Variants in SYT17 observed in about 807,000 individuals in gnomAD.
SYT17 encodes synaptotagmin 17, also known as synaptotagmin-17.
SYT17 carries 22 observed loss-of-function variants against 46.7 expected under a neutral mutation model. The observed-to-expected ratio is 0.47, with a 90% CI of 0.34 to 0.67. The LOEUF (loss-of-function observed/expected upper bound fraction) is 0.67, where lower values mean the gene tolerates loss of function less well. Ranked by LOEUF, SYT17 falls within the 30% of genes least tolerant of loss-of-function variation. The pLI, the probability that SYT17 is intolerant of heterozygous loss-of-function variation, is 0.01. For synonymous variants in SYT17, 251 were observed against 248.4 expected, an observed-to-expected ratio of 1.01 and a Z score of -0.10; for missense variants, 519 against 612.8, an observed-to-expected ratio of 0.85 and a Z score of 1.62.
chr16:19,171,321 TG>T (rs57645863), intron 1 of SYT17: 19,473 of 96,088 alleles, frequency 0.2, 1,296 homozygotes, highest in African/African-American at 0.29. Context: ...ATGATGATGA[TG>T]ATGATTATGA....
intron 3 of SYT17, among the ~76,000 whole-genome samples, chr16:19,177,239 C>T (rs1257399863): frequency 1.3e-5 from 2 of 152,130 alleles, no homozygotes; most frequent in East Asian, 1.9e-4. Flanking sequence ...AGGGCCAATA[C>T]ACCACAAAAT....
intron 3 of SYT17, among the ~76,000 whole-genome samples, chr16:19,175,645 CAAAAAA>C (rs34788366): frequency 1.4e-3 from 93 of 67,786 alleles, no homozygotes; most frequent in Middle Eastern, 7.8e-3. Context: ...AGCAAGACTT[CAAAAAA>C]AAAAAAAAAA....
chr16:19,255,824 A>G (rs544822961), intron 7 of SYT17, among the ~76,000 whole-genome samples: 1 of 152,298 alleles, frequency 6.6e-6, no homozygotes, highest in East Asian at 1.9e-4. Context: ...GCAGACCACG[A>G]CAAAGAGGGC....
rs145806485 is a variant in SYT17 at position 19,187,460 on chromosome 16, A to G, written c.951+3313A>G. ...AGCAGGTCTTGCACCGTTGGAGTGG[A>G]TCAGGATGTATTTGCTCACATTTGG... is the stretch of plus-strand genomic sequence containing the variant. On this transcript the variant is annotated intron_variant, in intron 5 of 7. Coordinates refer to ENST00000355377, the MANE Select transcript of SYT17 (RefSeq NM_016524.4). Among the ~76,000 whole-genome samples the G allele has an allele frequency of 7.4e-3, 1,121 of 152,272 alleles. 6 individuals are homozygous for G. Among genetic ancestry groups the G allele is most frequent in the Non-Finnish European group, 0.01 (705 of 68,030 alleles).
At chr16:19,253,617 G>A (rs1968348714) in intron 7 of SYT17, among the ~76,000 whole-genome samples, 1 of 150,860 alleles carries the variant, frequency 6.6e-6, no homozygotes, top group Non-Finnish European at 1.5e-5. Flanking sequence ...TCCAGCCTGG[G>A]CAATGGAGCA....
chr16:19,252,450 C>CAT (rs1338256562), intron 7 of SYT17, among the ~76,000 whole-genome samples: 1 of 23,114 alleles, frequency 4.3e-5, no homozygotes, highest in Non-Finnish European at 5.9e-5. Context: ...TATATATACA[C>CAT]ATATATACAT....
rs1964129184 is a variant in SYT17, at chr16:19,172,342, G to A, written c.16-418G>A. 1.7e-5 allele frequency: 23 copies of A among 1,376,794 alleles called. No homozygotes were observed. The South Asian group carries it at 2.5e-4, about 15-fold the overall frequency. The allele number at this position is 1,376,794 out of a possible 1,614,324, so 85.3% of individuals were successfully genotyped here. A position where few individuals can be genotyped will look rare whatever the true frequency, so the allele number is the denominator to read the frequency against. On this transcript the variant is annotated intron_variant, in intron 1 of 7. Transcript: ENST00000355377. ...GGGAGCCAAGTAACATCCACTGTGT[G>A]CCTGCCTGCATGTTAGCTAATCATG...
At chr16:19,248,042 C>T (rs1967711400) in intron 7 of SYT17, among the ~76,000 whole-genome samples, 1 of 152,044 alleles carries the variant, frequency 6.6e-6, no homozygotes, top group Non-Finnish European at 1.5e-5. Flanking sequence ...GTCCACACCC[C>T]AAGAAAAATG....
intron 7 of SYT17, among the ~76,000 whole-genome samples, chr16:19,255,058 T>A (rs1220811344): frequency 6.6e-6 from 1 of 152,184 alleles, no homozygotes; most frequent in African/African-American, 2.4e-5. Context: ...ACTCCCCCGT[T>A]TCTCTCCCCT....
At chr16:19,173,096 A>G in intron 2 of SYT17, 1 of 556,710 alleles carries the variant, frequency 1.8e-6, no homozygotes, top group Non-Finnish European at 3.1e-6. Flanking sequence ...TGTTTCGAAC[A>G]TATCGTATAG....
intron 7 of SYT17, among the ~76,000 whole-genome samples, chr16:19,231,425 G>A (rs897434665): frequency 6.8e-6 from 1 of 147,904 alleles, no homozygotes; most frequent in African/African-American, 2.5e-5. Flanking sequence ...ACAAAAATTA[G>A]CTGGGCATGG....
intron 7 of SYT17, among the ~76,000 whole-genome samples, chr16:19,259,495 G>C (rs968178881): frequency 6.6e-6 from 1 of 152,124 alleles, no homozygotes; most frequent in African/African-American, 2.4e-5. Context: ...TTCTATTGTA[G>C]TTTTTTGAGT....
chr16:19,215,678 A>C (rs1346505772), intron 5 of SYT17, among the ~76,000 whole-genome samples: 1 of 152,138 alleles, frequency 6.6e-6, no homozygotes, highest in Non-Finnish European at 1.5e-5. Context: ...TGGCCTCCCA[A>C]AGTACTGGGA....
intron 7 of SYT17, among the ~76,000 whole-genome samples, chr16:19,262,901 G>A (rs569288412): frequency 1.3e-5 from 2 of 152,316 alleles, no homozygotes; most frequent in South Asian, 4.1e-4. Context: ...TCCAAGGTGG[G>A]CTGAGGGGTA....
At chr16:19,171,799 A>G (rs1964105193) in intron 1 of SYT17, 3 of 152,176 alleles carry the variant, frequency 2.0e-5, no homozygotes, top group Non-Finnish European at 2.9e-5. Flanking sequence ...ATAATGCCAC[A>G]TTACTGAATT....
At chr16:19,212,103 T>C (rs894275129) in intron 5 of SYT17, among the ~76,000 whole-genome samples, 6 of 152,174 alleles carry the variant, frequency 3.9e-5, no homozygotes, top group Non-Finnish European at 7.3e-5. Context: ...CATTTGACGA[T>C]GTCTGGAGAC....
At chr16:19,211,733 C>T (rs1316252365) in intron 5 of SYT17, among the ~76,000 whole-genome samples, 2 of 152,018 alleles carry the variant, frequency 1.3e-5, no homozygotes, top group East Asian at 1.9e-4. Context: ...TCACGGCATT[C>T]CCCTGCCTCA....
At chr16:19,266,755 A>C in intron 7 of SYT17, 125 bp from the exon 8 acceptor site, 522 of 773,782 alleles carry the variant, frequency 6.7e-4, no homozygotes, top group Non-Finnish European at 9.5e-4. Flanking sequence ...GCCCTAAACG[A>C]TGACCCCCAT....
intron 5 of SYT17, among the ~76,000 whole-genome samples, chr16:19,202,074 T>G (rs1399825217): frequency 2.6e-5 from 4 of 152,096 alleles, no homozygotes; most frequent in African/African-American, 9.7e-5. Context: ...ACTTCTCCAT[T>G]TCTCTGGACA....
Sources: allele counts gnomAD v4.1 joint callset (sites outside exome capture counted in the v4.1 genomes callset), GRCh38; gene constraint gnomAD v4.1.1; transcripts MANE v1.5; gene names NCBI Gene and HGNC (gene_info 2026-07-23, HGNC 2026-07-21).